The following C5 variants were observed in gnomAD, a reference collection of about 807,000 sequenced individuals.
C5 encodes the protein complement C5, also known as C3 and PZP-like alpha-2-macroglobulin domain-containing protein 4.
C5 carries 140 observed loss-of-function variants against 218.8 expected under a neutral mutation model. The ratio of observed to expected loss-of-function variants is 0.64; its 90% CI spans 0.56 to 0.74. The LOEUF (loss-of-function observed/expected upper bound fraction) is 0.74, where lower values mean the gene tolerates loss of function less well. Among genes scored for constraint, C5 ranks in the 30% least tolerant of loss-of-function variants. The probability of loss-of-function intolerance (pLI) is 0.00; values close to 1 mark genes in which losing one functional copy is unlikely to be tolerated. For synonymous variants in C5, 614 were observed against 682.3 expected (o/e 0.90, Z 1.56); for missense variants, 1,700 against 1,969.6 (o/e 0.86, Z 2.59).
chr9:121,015,860 G>A (rs1311534572), intron 15 of C5, among the ~76,000 whole-genome samples: 1 of 152,156 alleles, frequency 6.6e-6, no homozygotes, highest in Non-Finnish European at 1.5e-5. Context: ...TCTATGTGGG[G>A]AAGAGGTCTC....
intron 24 of C5, 80 bp downstream of exon 24, chr9:120,989,488 T>C: frequency 1.1e-6 from 1 of 939,034 alleles, no homozygotes; most frequent in Non-Finnish European, 1.6e-6. Flanking sequence ...TTTTCTATAA[T>C]TCACAACTTA....
chr9:121,025,802 G>T, intron 8 of C5: 1 of 441,124 alleles, frequency 2.3e-6, no homozygotes, highest in African/African-American at 2.0e-5. Context: ...AACATCACAT[G>T]GTCCAACAGG....
At chr9:121,051,048 T>C (rs559418512), upstream of C5, among the ~76,000 whole-genome samples, 6 of 152,128 alleles carry the variant, frequency 3.9e-5, no homozygotes, top group Admixed American at 2.6e-4. Flanking sequence ...ATATAAGAGC[T>C]CCAGAAAAAC....
chr9:120,966,058 A>T (rs753122910), intron 33 of C5, among the ~76,000 whole-genome samples: 3 of 152,218 alleles, frequency 2.0e-5, no homozygotes, highest in Non-Finnish European at 2.9e-5. Context: ...TCATGCTGGC[A>T]TTTTTTAATC....
intron 5 of C5, among the ~76,000 whole-genome samples, chr9:121,033,591 G>GATAGCAGTAATAAATGAAATGA (rs1489173603): frequency 6.6e-6 from 1 of 152,264 alleles, no homozygotes. Context: ...ACAAGATGAA[G>GATAGCAGTAATAAATGAAATGA]TTGGAGAAAT....
intron 25 of C5, among the ~76,000 whole-genome samples, chr9:120,985,955 C>T (rs1485717955): frequency 2.6e-5 from 4 of 152,294 alleles, no homozygotes; most frequent in African/African-American, 9.6e-5. Context: ...CACTAGATGG[C>T]CCGTTACTCA....
intron 22 of C5, among the ~76,000 whole-genome samples, chr9:120,995,819 A>G (rs998626084): frequency 2.4e-5 from 3 of 125,812 alleles, no homozygotes; most frequent in African/African-American, 5.5e-5. Context: ...AGAAGTGGAT[A>G]CTTTTTTTTT....
At chr9:120,991,315 TC>T in intron 22 of C5, 35 bp from the exon 23 acceptor site, 1 of 1,167,384 alleles carries the variant, frequency 8.6e-7, no homozygotes, top group Non-Finnish European at 1.3e-6. Context: ...ATACAGAGTT[TC>T]CAGGGGAAGA....
In C5 at chr9:121,017,352, A is replaced by G. The variant is rs756416987; in HGVS notation, c.1866+10T>C. On this transcript the variant is annotated intron_variant, in intron 14 of 40. Transcript: ENST00000223642. Reference sequence around the variant, plus strand: ...CATGCAACACTGCAGCGAGACATGCATTACTTAACTCTTTCCAAGGGCTTT... The same window carrying G: ...CATGCAACACTGCAGCGAGACATGCGTTACTTAACTCTTTCCAAGGGCTTT... The G allele has an allele frequency of 6.2e-6, 10 of 1,613,382 alleles. No homozygotes were observed. In the South Asian group the frequency reaches 6.6e-5, roughly 11 times the overall value.
At chr9:121,025,740 G>T in intron 8 of C5, 160 bp from the exon 9 acceptor site, 1 of 624,286 alleles carries the variant, frequency 1.6e-6, no homozygotes, top group Non-Finnish European at 2.8e-6. Flanking sequence ...ATTAAGCCCA[G>T]GATGTTATTT....
chr9:120,986,607 C>A (rs994903343), intron 25 of C5, among the ~76,000 whole-genome samples: 11 of 143,002 alleles, frequency 7.7e-5, no homozygotes, highest in Admixed American at 5.4e-4. Context: ...TACTGAGAGG[C>A]TGTTGTACCT....
chr9:121,073,405 G>A, the C5 span, among the ~76,000 whole-genome samples: 1 of 151,182 alleles, frequency 6.6e-6, no homozygotes, highest in African/African-American at 2.4e-5. Context: ...GGTAACCTTT[G>A]TCTAATAATG....
chr9:120,993,157 T>G (rs758810499), intron 22 of C5, among the ~76,000 whole-genome samples: 4 of 152,116 alleles, frequency 2.6e-5, no homozygotes, highest in Admixed American at 1.3e-4. Flanking sequence ...GAGGCAAGTG[T>G]TGGTGAGGTT....
intron 38 of C5, among the ~76,000 whole-genome samples, chr9:120,958,818 A>G (rs577858214): frequency 6.6e-6 from 1 of 151,136 alleles, no homozygotes; most frequent in African/African-American, 2.4e-5. Context: ...TTTTTTTTTG[A>G]CAGGGTCTCA....
the C5 span, among the ~76,000 whole-genome samples, chr9:121,072,943 A>G: frequency 2.0e-5 from 3 of 152,196 alleles, no homozygotes; most frequent in African/African-American, 7.2e-5. Flanking sequence ...GGGAGAGGAC[A>G]GCACCATTCA....
chr9:121,013,970 T>G lies in C5; in HGVS notation c.2160A>C (p.Leu720Phe). Residue 720 changes from leucine to phenylalanine, a missense_variant, in exon 17 of 41, where the codon TTA becomes TTC. Coordinates refer to ENST00000223642, the MANE Select transcript of C5 (RefSeq NM_001735.3). ...TGAAAGCTTTGATGCATCTTGGCCC[T>G]AAACTAATCCGTGCAGCTCGCTGCT... ...TCEQRAARIS[L>F]GPRCIKAFTE... 1 of 1,614,228 alleles carries G rather than the reference T, an allele frequency of 6.2e-7. No homozygotes were observed. Among genetic ancestry groups the G allele is most frequent in the Non-Finnish European group, 8.5e-7 (1 of 1,180,038 alleles).
intron 8 of C5, among the ~76,000 whole-genome samples, chr9:121,026,922 A>T (rs1168994203): frequency 6.6e-6 from 1 of 152,118 alleles, no homozygotes; most frequent in Admixed American, 6.6e-5. Context: ...CAGTTAGAGA[A>T]ATTGGAGTGA....
chr9:121,053,311 C>T (rs1050294326), upstream of C5, among the ~76,000 whole-genome samples: 2 of 152,180 alleles, frequency 1.3e-5, no homozygotes, highest in Non-Finnish European at 2.9e-5. Flanking sequence ...CGCAGTCTCA[C>T]GTTTTAATCC....
At chr9:121,043,220 C>G (rs1169003940) in intron 2 of C5, 54 bp from the exon 3 acceptor site, 20 of 1,356,874 alleles carry the variant, frequency 1.5e-5, no homozygotes, top group Non-Finnish European at 2.0e-5. Flanking sequence ...GTTATTAAAC[C>G]ATTAACTTTC....
Sources: allele counts gnomAD v4.1 joint callset (sites outside exome capture counted in the v4.1 genomes callset), GRCh38; gene constraint gnomAD v4.1.1; transcripts MANE v1.5; gene names NCBI Gene and HGNC (gene_info 2026-07-23, HGNC 2026-07-21).